MYOCD: variants seen among roughly 807,000 people sequenced by gnomAD.
The protein encoded by MYOCD is myocardin.
In MYOCD, 32 loss-of-function variants were observed where a neutral mutation model predicts 96.1. The observed-to-expected ratio is 0.33, with a 90% CI of 0.25 to 0.45. The LOEUF is 0.45. Ranked by LOEUF, MYOCD falls within the 20% of genes least tolerant of loss-of-function variation. The probability of loss-of-function intolerance (pLI) is 1.00; values close to 1 mark genes in which losing one functional copy is unlikely to be tolerated. For synonymous variants in MYOCD, 469 were observed against 469.0 expected, an observed-to-expected ratio of 1.00 and a Z score of 0.00; for missense variants, 1,133 against 1,200.6, an observed-to-expected ratio of 0.94 and a Z score of 0.83.
At position 12,682,447 on chromosome 17, in the gene MYOCD, C is replaced by T. The variant is rs562529401; in HGVS notation, c.55+16204C>T. Among the ~76,000 whole-genome samples, 4 of 152,274 alleles carry T rather than the reference C, an allele frequency of 2.6e-5. No homozygotes were observed. The South Asian group carries it at 8.3e-4, about 32-fold the overall frequency. ...CCCAAAGACCTATGCCTGGTAGTGTCCTTGAAGGCAATAATGTCAAGGTCA... is the reference window on the plus strand; with the variant it reads ...CCCAAAGACCTATGCCTGGTAGTGTTCTTGAAGGCAATAATGTCAAGGTCA... On this transcript the variant is annotated intron_variant, in intron 1 of 13. Coordinates refer to ENST00000425538, the MANE Select transcript of MYOCD (RefSeq NM_001146312.3).
chr17:12,723,056 A>G, intron 5 of MYOCD, 48 bp downstream of exon 5: 1 of 1,562,720 alleles, frequency 6.4e-7, no homozygotes, highest in Non-Finnish European at 8.7e-7. Flanking sequence ...TTGAGATCTG[A>G]GGGCAGCCCG....
intron 1 of MYOCD, among the ~76,000 whole-genome samples, chr17:12,696,425 G>C (rs1340449967): frequency 6.6e-6 from 1 of 152,110 alleles, no homozygotes; most frequent in Non-Finnish European, 1.5e-5. Context: ...ATTCTTTTGA[G>C]TATATACCCA....
chr17:12,687,211 T>C (rs577571523), intron 1 of MYOCD, among the ~76,000 whole-genome samples: 1 of 152,340 alleles, frequency 6.6e-6, no homozygotes, highest in African/African-American at 2.4e-5. Flanking sequence ...CACTACACTT[T>C]CAGTAATATG....
At chr17:12,738,940 A>T (rs1477015891) in intron 6 of MYOCD, among the ~76,000 whole-genome samples, 2 of 128,774 alleles carry the variant, frequency 1.6e-5, no homozygotes, top group Admixed American at 8.0e-5. Flanking sequence ...TCTCAGCTGG[A>T]TGATAAGTTT....
chr17:12,677,580 C>A (rs919743373), intron 1 of MYOCD, among the ~76,000 whole-genome samples: 4 of 151,518 alleles, frequency 2.6e-5, no homozygotes, highest in Non-Finnish European at 5.9e-5. Flanking sequence ...GGCATGGTGG[C>A]GGGCACCTGT....
intron 13 of MYOCD, 79 bp downstream of exon 13, chr17:12,760,786 T>A (rs1389484954): frequency 1.7e-6 from 2 of 1,154,280 alleles, no homozygotes; most frequent in Non-Finnish European, 2.6e-6. Flanking sequence ...GGTACCAAGA[T>A]CAGATGCACA....
At chr17:12,694,961 A>T (rs1311284287) in intron 1 of MYOCD, among the ~76,000 whole-genome samples, 1 of 151,908 alleles carries the variant, frequency 6.6e-6, no homozygotes, top group African/African-American at 2.4e-5. Context: ...TGGGTATTAA[A>T]TGGCATGTGA....
At chr17:12,720,864 TACAA>T (rs1489300744) in intron 4 of MYOCD, among the ~76,000 whole-genome samples, 1 of 151,714 alleles carries the variant, frequency 6.6e-6, no homozygotes, top group East Asian at 1.9e-4. Context: ...CTACTAAAAA[TACAA>T]ACAATTAGCT....
At chr17:12,722,791 G>T in intron 4 of MYOCD, 56 bp from the exon 5 acceptor site, 1 of 1,454,538 alleles carries the variant, frequency 6.9e-7, no homozygotes, top group South Asian at 1.3e-5. Context: ...AAACAAAAAA[G>T]AGAGAGACAG....
Position 12,768,652 on chromosome 17 carries a change from C to T in MYOCD, c.*5008C>T, listed in dbSNP as rs906621726. On this transcript the variant is annotated 3_prime_UTR_variant, in exon 14 of 14. Coordinates refer to ENST00000425538, the MANE Select transcript of MYOCD (RefSeq NM_001146312.3). The stretch of plus-strand genomic sequence containing the variant: ...GCTCCCCAGAGTTCCTTTCCAATGG[C>T]CCTGCAGTAAGAACGGAGGACAATG... 5.9e-5 allele frequency: 9 copies of T among 152,076 alleles called. No individual in the cohort carries two copies. The highest frequency in any genetic ancestry group is 2.2e-4 in the African/African-American group (9 of 41,370). The allele number at this position is 152,076 out of a possible 1,614,324, so 9.4% of individuals were successfully genotyped here. A position where few individuals can be genotyped will look rare whatever the true frequency, so the allele number is the denominator to read the frequency against.
rs372655560 is a variant in MYOCD, at chr17:12,760,713, A to T, written c.2389+6A>T. Reference sequence around the variant, plus strand: ...CGTGCTTATTGAAAGCGGAGGTAAGACTGCCTGTGTCCTGTCCATTAGGAC... The same window carrying T: ...CGTGCTTATTGAAAGCGGAGGTAAGTCTGCCTGTGTCCTGTCCATTAGGAC... On this transcript the variant is annotated splice_donor_region_variant and intron_variant, in intron 13 of 13. Coordinates refer to ENST00000425538, the MANE Select transcript of MYOCD (RefSeq NM_001146312.3). 17 of 1,612,396 alleles carry T rather than the reference A, an allele frequency of 1.1e-5. No homozygotes were observed. The highest frequency in any genetic ancestry group is 1.3e-5 in the African/African-American group (1 of 74,882).
At chr17:12,749,873 G>A (rs1437637873) in intron 9 of MYOCD, among the ~76,000 whole-genome samples, 2 of 151,620 alleles carry the variant, frequency 1.3e-5, no homozygotes, top group East Asian at 3.9e-4. Flanking sequence ...TTTTTGAGAC[G>A]GAGGCTCGCT....
chr17:12,747,515 G>C (rs765665729), intron 9 of MYOCD, among the ~76,000 whole-genome samples: 1 of 152,128 alleles, frequency 6.6e-6, no homozygotes, highest in African/African-American at 2.4e-5. Flanking sequence ...GTCTTGTCAG[G>C]GGTGGGAAAA....
intron 1 of MYOCD, among the ~76,000 whole-genome samples, chr17:12,667,657 T>A (rs755839085): frequency 1.5e-4 from 23 of 152,236 alleles, no homozygotes; most frequent in Admixed American, 7.2e-4. Flanking sequence ...GGTGCTGGTT[T>A]GTCTCTAAAA....
intron 1 of MYOCD, among the ~76,000 whole-genome samples, chr17:12,700,914 G>A (rs1021551168): frequency 5.9e-5 from 9 of 152,230 alleles, no homozygotes; most frequent in African/African-American, 1.4e-4. Context: ...GTGTGTATGT[G>A]TGTGGGGGGG....
chr17:12,705,454 A>C, intron 2 of MYOCD: 1 of 353,948 alleles, frequency 2.8e-6, no homozygotes, highest in Non-Finnish European at 5.0e-6. Context: ...AACACAATTC[A>C]TTATGGGCAC....
chr17:12,732,815 C>T (rs2032217071), intron 5 of MYOCD, among the ~76,000 whole-genome samples: 1 of 152,168 alleles, frequency 6.6e-6, no homozygotes, highest in African/African-American at 2.4e-5. Context: ...AGGGCTGATT[C>T]ACTGGTAGTA....
chr17:12,667,999 G>C (rs1470641206), intron 1 of MYOCD, among the ~76,000 whole-genome samples: 1 of 152,128 alleles, frequency 6.6e-6, no homozygotes, highest in African/African-American at 2.4e-5. Context: ...TGCAAACATT[G>C]ATAGTCTCTT....
chr17:12,733,681 A>C (rs1395134529), intron 5 of MYOCD, among the ~76,000 whole-genome samples: 2 of 152,112 alleles, frequency 1.3e-5, no homozygotes, highest in Non-Finnish European at 2.9e-5. Context: ...CAGCCTGGCT[A>C]ACATGGTGAA....
Sources: gnomAD v4.1 joint callset for allele counts (sites outside exome capture counted in the v4.1 genomes callset) on GRCh38, gnomAD v4.1.1 for gene constraint, MANE v1.5 for transcripts, NCBI Gene and HGNC (gene_info 2026-07-23, HGNC 2026-07-21) for gene names.